The following HS6ST2 variants were observed in gnomAD, a reference collection of about 807,000 sequenced individuals.
The protein encoded by HS6ST2 is heparan sulfate 6-O-sulfotransferase 2, also known as heparan-sulfate 6-O-sulfotransferase 2.
A neutral mutation model predicts 33.0 loss-of-function variants in HS6ST2; 17 were observed. The ratio of observed to expected loss-of-function variants is 0.52; its 90% confidence interval spans 0.35 to 0.77. The LOEUF (loss-of-function observed/expected upper bound fraction) is 0.77, where lower values mean the gene tolerates loss of function less well. Ranked by LOEUF, HS6ST2 falls within the 30% of genes least tolerant of loss-of-function variation. HS6ST2 has a pLI of 0.01. For missense variants in HS6ST2, 519 were observed against 551.7 expected (o/e 0.94, Z 0.59); for synonymous variants, 248 against 237.1 (o/e 1.05, Z -0.42).
At chrX:132,745,666 C>T (rs2064632329) in intron 2 of HS6ST2, among the ~76,000 whole-genome samples, 1 of 111,779 alleles carries the variant, frequency 8.9e-6, no homozygotes, top group Admixed American at 9.5e-5. Flanking sequence ...GGGGAAAATC[C>T]TGAGAGTTCT....
chrX:132,871,781 G>A (rs2066061623), intron 2 of HS6ST2, among the ~76,000 whole-genome samples: 2 of 108,414 alleles, frequency 1.8e-5, no homozygotes, highest in African/African-American at 6.7e-5. Flanking sequence ...GCCTGTTGGG[G>A]GAGTGAGGGG....
chrX:132,808,454 C>T (rs1009881407), intron 2 of HS6ST2, among the ~76,000 whole-genome samples: 2 of 111,805 alleles, frequency 1.8e-5, no homozygotes, highest in South Asian at 3.8e-4. Flanking sequence ...TATCAGGCTA[C>T]CCCACTTGCC....
chrX:132,811,225 G>A (rs960945614), intron 2 of HS6ST2, among the ~76,000 whole-genome samples: 10 of 111,146 alleles, frequency 9.0e-5, no homozygotes, highest in East Asian at 5.7e-4. Context: ...GCTCTTACAC[G>A]AGGTGTCTGC....
At chrX:132,882,096 T>C (rs2066182600) in intron 2 of HS6ST2, among the ~76,000 whole-genome samples, 1 of 111,651 alleles carries the variant, frequency 9.0e-6, no homozygotes, top group South Asian at 3.8e-4. Flanking sequence ...TAGGATTGAC[T>C]TGGCGATGCA....
At chrX:132,871,480 C>T (rs1307008452) in intron 2 of HS6ST2, among the ~76,000 whole-genome samples, 1 of 111,808 alleles carries the variant, frequency 8.9e-6, no homozygotes, top group Non-Finnish European at 1.9e-5. Context: ...CACATGCACA[C>T]GTATGTTTAT....
At chrX:132,661,785 TG>T (rs1256708297) in intron 4 of HS6ST2, among the ~76,000 whole-genome samples, 1 of 111,797 alleles carries the variant, frequency 8.9e-6, no homozygotes, top group Non-Finnish European at 1.9e-5. Flanking sequence ...GGCTCACACC[TG>T]TAATCCCACC....
chrX:132,864,381 G>C (rs1283758235), intron 2 of HS6ST2, among the ~76,000 whole-genome samples: 1 of 108,276 alleles, frequency 9.2e-6, no homozygotes, highest in East Asian at 2.9e-4. Flanking sequence ...TTGCTAACTA[G>C]AATAACCAGT....
rs759419678 is a variant in HS6ST2 at position 132,821,282 on chromosome X, G to C, written c.948-112788C>G. Reference sequence around the variant, plus strand: ...GGCTGGAGTGCAGTGGCGGGATCTCGGCTCACTGCAAGTTCCACCTCCCGG... The same window carrying C: ...GGCTGGAGTGCAGTGGCGGGATCTCCGCTCACTGCAAGTTCCACCTCCCGG... On this transcript the variant is annotated intron_variant, in intron 2 of 4. Coordinates refer to ENST00000370833, the MANE Select transcript of HS6ST2 (RefSeq NM_001394073.1). Among the ~76,000 whole-genome samples, 899 of 100,366 alleles carry C rather than the reference G, an allele frequency of 9.0e-3. 14 individuals are homozygous for C. The highest frequency in any genetic ancestry group is 0.031 in the African/African-American group (849 of 27,025). The allele number at this position is 100,366 out of a possible 115,157, so 87.2% of individuals were successfully genotyped here.
In HS6ST2 at chrX:132,957,214, G is replaced by A. The variant is rs769789640; in HGVS notation, c.541C>T (p.Leu181Phe). ...YVCPGTECQL[L>F]RLQAFSSPVP... Reference sequence around the variant, plus strand: ...GGGGAGCTGAACGCCTGCAGGCGGAGGAGCTGGCATTCTGTGCCGGGGCAC... The same window carrying A: ...GGGGAGCTGAACGCCTGCAGGCGGAAGAGCTGGCATTCTGTGCCGGGGCAC... The change falls in exon 2 of 5, where the codon CTC becomes TTC. Residue 181 changes from leucine (L) to phenylalanine (F), a missense_variant. By Grantham distance (22) the Leu-to-Phe change is conservative. Coordinates refer to ENST00000370833, the MANE Select transcript of HS6ST2 (RefSeq NM_001394073.1). 2 of 1,209,027 alleles carry A rather than the reference G, an allele frequency of 1.7e-6. 1 individual carries two copies. The highest frequency in any genetic ancestry group is 3.5e-5 in the South Asian group (2 of 56,457).
intron 4 of HS6ST2, among the ~76,000 whole-genome samples, chrX:132,661,978 C>CA (rs35743008): frequency 0.4 from 43,076 of 107,249 alleles, 7,923 homozygotes; most frequent in Admixed American, 0.6. Flanking sequence ...AGTCTTATCT[C>CA]AAAAAAAAGA....
chrX:132,779,241 T>C (rs749210293), intron 2 of HS6ST2, among the ~76,000 whole-genome samples: 16 of 111,896 alleles, frequency 1.4e-4, no homozygotes, highest in Non-Finnish European at 1.7e-4. Context: ...TCATACCTCA[T>C]TGATGATATT....
chrX:132,703,740 C>T (rs550503497), intron 3 of HS6ST2, among the ~76,000 whole-genome samples: 2 of 112,253 alleles, frequency 1.8e-5, no homozygotes, highest in South Asian at 7.4e-4. Context: ...TCAATATTTA[C>T]TAAATTTAAA....
At chrX:132,861,106 C>T (rs769311106) in intron 2 of HS6ST2, among the ~76,000 whole-genome samples, 1 of 111,000 alleles carries the variant, frequency 9.0e-6, no homozygotes, top group African/African-American at 3.3e-5. Flanking sequence ...GTGTATCTTT[C>T]GACAGGATTG....
In HS6ST2 at chrX:132,769,619, C is replaced by G. The variant is rs951961751; in HGVS notation, c.948-61125G>C. On this transcript the variant is annotated intron_variant, in intron 2 of 4. Coordinates refer to ENST00000370833, the MANE Select transcript of HS6ST2 (RefSeq NM_001394073.1). ...CAAAAGTCATTATTCAGCGATGGCA[C>G]AAGAAACAAATATCACCCACTGCTA... 4.4e-5 allele frequency among the ~76,000 whole-genome samples: 5 copies of G among 112,431 alleles called. No homozygotes were observed. In the Admixed American group the frequency reaches 4.7e-4, roughly 11 times the overall value.
chrX:132,884,500 T>G (rs1468804470), intron 2 of HS6ST2, among the ~76,000 whole-genome samples: 1 of 111,337 alleles, frequency 9.0e-6, no homozygotes, highest in African/African-American at 3.3e-5. Context: ...AAATTACAAC[T>G]AAAACAAAAA....
chrX:132,935,561 C>T (rs1031908794), intron 2 of HS6ST2, among the ~76,000 whole-genome samples: 77 of 111,465 alleles, frequency 6.9e-4, no homozygotes, highest in Non-Finnish European at 1.2e-3. Flanking sequence ...AATAGAGTTT[C>T]GCCATGTTGC....
chrX:132,958,735 AG>A, upstream of HS6ST2: 1 of 598,391 alleles, frequency 1.7e-6, no homozygotes, highest in Non-Finnish European at 2.5e-6. Context: ...TGGAGTACGG[AG>A]GTCACTCCGC....
At chrX:132,899,654 CA>C (rs978884491) in intron 2 of HS6ST2, among the ~76,000 whole-genome samples, 11 of 111,287 alleles carry the variant, frequency 9.9e-5, no homozygotes, top group Admixed American at 6.7e-4. Flanking sequence ...TGGGAAACAC[CA>C]CAGGGTTCAA....
chrX:132,782,578 G>A (rs2065025299), intron 2 of HS6ST2, among the ~76,000 whole-genome samples: 1 of 111,713 alleles, frequency 9.0e-6, no homozygotes, highest in Non-Finnish European at 1.9e-5. Context: ...TGAATGGGGT[G>A]GTGGTTAGGA....
Sources: gnomAD v4.1 joint callset for allele counts (sites outside exome capture counted in the v4.1 genomes callset) on GRCh38, gnomAD v4.1.1 for gene constraint, MANE v1.5 for transcripts, NCBI Gene and HGNC (gene_info 2026-07-23, HGNC 2026-07-21) for gene names.